Variants in FBXL7 observed in about 807,000 individuals in gnomAD.
FBXL7 encodes F-box/LRR-repeat protein 7.
Under a neutral mutation model 38.3 loss-of-function variants are expected in FBXL7, and 12 were observed. The ratio of observed to expected loss-of-function variants is 0.31; its 90% CI spans 0.20 to 0.51. The LOEUF (loss-of-function observed/expected upper bound fraction) is 0.51, where lower values mean the gene tolerates loss of function less well. FBXL7 is among the 20% of genes least tolerant of loss of function. The probability of loss-of-function intolerance (pLI) is 0.98; values close to 1 mark genes in which losing one functional copy is unlikely to be tolerated. For synonymous variants in FBXL7, 297 were observed against 300.9 expected (o/e 0.99, Z 0.13); for missense variants, 567 against 676.4 (o/e 0.84, Z 1.79).
rs142072938 is a variant in FBXL7, at chr5:15,641,927, C to G, written c.127+25855C>G. On this transcript the variant is annotated intron_variant, in intron 2 of 3. Transcript: ENST00000504595. ...AGATACATAACATAGTATATGGTAA[C>G]TTAACATAAAACCTTGTGTGTGTGT... Among the ~76,000 whole-genome samples the G allele has an allele frequency of 3.3e-3, 479 of 144,640 alleles. 3 individuals carry two copies. The highest frequency in any genetic ancestry group is 0.012 in the African/African-American group (447 of 38,572). 94.9% of individuals were successfully genotyped at this position (144,640 alleles called of 152,430 possible).
At chr5:15,624,730 G>A (rs1185227219) in intron 2 of FBXL7, among the ~76,000 whole-genome samples, 6 of 152,144 alleles carry the variant, frequency 3.9e-5, no homozygotes, top group African/African-American at 1.4e-4. Flanking sequence ...AGATGTTTCT[G>A]ATGTTAGTTT....
intron 2 of FBXL7, among the ~76,000 whole-genome samples, chr5:15,795,071 T>C (rs1737380746): frequency 6.6e-6 from 1 of 152,208 alleles, no homozygotes; most frequent in South Asian, 2.1e-4. Context: ...GAGGCAGCCT[T>C]CTGTGTGATT....
In FBXL7 at chr5:15,639,594, G is replaced by A. The variant is rs1020371217; in HGVS notation, c.127+23522G>A. Reference sequence around the variant, plus strand: ...ACCCTATTCTTCTTCCCAGTCTCGGGTGTGTCTTTATTAGCAGTGTGAAAA... The same window carrying A: ...ACCCTATTCTTCTTCCCAGTCTCGGATGTGTCTTTATTAGCAGTGTGAAAA... On this transcript the variant is annotated intron_variant, in intron 2 of 3. Transcript: ENST00000504595. 2.0e-5 allele frequency among the ~76,000 whole-genome samples: 3 copies of A among 151,920 alleles called. No homozygotes were observed. The East Asian group carries it at 5.8e-4, about 29-fold the overall frequency.
chr5:15,561,778 G>C (rs182526941), intron 1 of FBXL7, among the ~76,000 whole-genome samples: 2 of 152,024 alleles, frequency 1.3e-5, no homozygotes, highest in African/African-American at 4.8e-5. Flanking sequence ...TCTCATTGCA[G>C]TTTTGATTTG....
At chr5:15,912,660 TAAAAA>T (rs199756006) in intron 2 of FBXL7, among the ~76,000 whole-genome samples, 3 of 148,338 alleles carry the variant, frequency 2.0e-5, no homozygotes, top group African/African-American at 7.4e-5. Context: ...AGCTTTCTAT[TAAAAA>T]AAAAAGAAGT....
intron 1 of FBXL7, among the ~76,000 whole-genome samples, chr5:15,503,294 G>A (rs1476951408): frequency 6.6e-6 from 1 of 152,184 alleles, no homozygotes; most frequent in Non-Finnish European, 1.5e-5. Context: ...GGTGGCGCAT[G>A]CCTGTAATCC....
At chr5:15,750,782 CCACAGTTCTGGAG>C (rs1736134358) in intron 2 of FBXL7, among the ~76,000 whole-genome samples, 1 of 152,096 alleles carries the variant, frequency 6.6e-6, no homozygotes, top group African/African-American at 2.4e-5. Context: ...CTATCCCTAA[CCACAGTTCTGGAG>C]CAAAGCATAC....
intron 1 of FBXL7, among the ~76,000 whole-genome samples, chr5:15,577,022 A>T (rs1465548110): frequency 6.6e-6 from 1 of 152,228 alleles, no homozygotes; most frequent in Non-Finnish European, 1.5e-5. Context: ...AGTATCAATT[A>T]TTTTGCCATA....
chr5:15,932,370 A>C (rs559527003), intron 3 of FBXL7, among the ~76,000 whole-genome samples: 1 of 152,220 alleles, frequency 6.6e-6, no homozygotes, highest in African/African-American at 2.4e-5. Context: ...TGACTTAACC[A>C]TCTGACACCC....
intron 2 of FBXL7, among the ~76,000 whole-genome samples, chr5:15,863,671 T>G (rs1739578263): frequency 6.6e-6 from 1 of 152,098 alleles, no homozygotes; most frequent in Non-Finnish European, 1.5e-5. Context: ...TAGTGGGAGG[T>G]ATTTGGGTCA....
At chr5:15,684,720 T>C (rs1742961838) in intron 2 of FBXL7, among the ~76,000 whole-genome samples, 1 of 152,174 alleles carries the variant, frequency 6.6e-6, no homozygotes. Flanking sequence ...AGAGATAGGC[T>C]CATTGGAAAA....
chr5:15,794,137 T>C (rs1561129006), intron 2 of FBXL7, among the ~76,000 whole-genome samples: 1 of 152,232 alleles, frequency 6.6e-6, no homozygotes. Flanking sequence ...ATAAGCATTC[T>C]CTTCTCCTAT....
chr5:15,880,734 T>TAC (rs1381898609), intron 2 of FBXL7, among the ~76,000 whole-genome samples: 1 of 146,662 alleles, frequency 6.8e-6, no homozygotes, highest in African/African-American at 2.5e-5. Flanking sequence ...TATATATATA[T>TAC]ATATAAAGTA....
chr5:15,846,552 A>G, intron 2 of FBXL7, among the ~76,000 whole-genome samples: 1 of 152,216 alleles, frequency 6.6e-6, no homozygotes, highest in East Asian at 1.9e-4. Context: ...TGCAAAGGAA[A>G]GCCAAGAAAA....
chr5:15,923,232 G>A, intron 2 of FBXL7, among the ~76,000 whole-genome samples: 1 of 152,302 alleles, frequency 6.6e-6, no homozygotes, highest in South Asian at 2.1e-4. Context: ...TTAGCTGCCA[G>A]TCTTCTGAAA....
At chr5:15,653,931 T>C (rs1158462534) in intron 2 of FBXL7, among the ~76,000 whole-genome samples, 1 of 152,200 alleles carries the variant, frequency 6.6e-6, no homozygotes, top group African/African-American at 2.4e-5. Context: ...TTCAGTGTGG[T>C]ATTTATTTAC....
rs185344579 is a variant in FBXL7 at position 15,795,423 on chromosome 5, A to G, written c.128-132467A>G. ...ACACTGGCATTTTAAATGTGTGTCA[A>G]TTCTGGAAGCCTAATGTAATTGTCA... is the stretch of plus-strand genomic sequence containing the variant. On this transcript the variant is annotated intron_variant, in intron 2 of 3. Coordinates refer to ENST00000504595, the MANE Select transcript of FBXL7 (RefSeq NM_012304.5). Among the ~76,000 whole-genome samples, 12 of 152,328 alleles carry G rather than the reference A, an allele frequency of 7.9e-5. No homozygotes were observed. The East Asian group carries it at 2.1e-3, about 27-fold the overall frequency.
At chr5:15,810,812 C>T (rs1002803123) in intron 2 of FBXL7, among the ~76,000 whole-genome samples, 6 of 152,130 alleles carry the variant, frequency 3.9e-5, no homozygotes, top group African/African-American at 1.4e-4. Context: ...ACTCTAAAAT[C>T]CAAGGGACAG....
intron 2 of FBXL7, among the ~76,000 whole-genome samples, chr5:15,709,427 G>A (rs1041137370): frequency 6.6e-6 from 1 of 151,790 alleles, no homozygotes; most frequent in Non-Finnish European, 1.5e-5. Context: ...CCAGCTACTA[G>A]GGAGGCTGAG....
Sources: allele counts gnomAD v4.1 joint callset (sites outside exome capture counted in the v4.1 genomes callset), GRCh38; gene constraint gnomAD v4.1.1; transcripts MANE v1.5; gene names NCBI Gene and HGNC (gene_info 2026-07-23, HGNC 2026-07-21).